Variants in PCDHA3 observed in about 807,000 individuals in gnomAD.
The protein encoded by PCDHA3 is protocadherin alpha-3.
Under a neutral mutation model 62.2 loss-of-function variants are expected in PCDHA3, and 41 were observed. That is an observed-to-expected ratio of 0.66 (90% CI 0.51 to 0.86). PCDHA3 has a LOEUF of 0.86. PCDHA3 is among the 40% of genes least tolerant of loss of function. The pLI, the probability that PCDHA3 is intolerant of heterozygous loss-of-function variation, is 0.00. For missense variants in PCDHA3, 1,304 were observed against 1,241.2 expected, an observed-to-expected ratio of 1.05 and a Z score of -0.76; for synonymous variants, 640 against 555.4, an observed-to-expected ratio of 1.15 and a Z score of -2.14.
intron 1 of PCDHA3, among the ~76,000 whole-genome samples, chr5:140,938,203 C>T (rs1181415730): frequency 6.6e-6 from 1 of 152,146 alleles, no homozygotes; most frequent in Non-Finnish European, 1.5e-5. Flanking sequence ...ACGCCAGCCT[C>T]CCAAAGTGCT....
chr5:140,892,941 A>G (rs1554185454), intron 1 of PCDHA3, among the ~76,000 whole-genome samples: 1 of 152,178 alleles, frequency 6.6e-6, no homozygotes, highest in African/African-American at 2.4e-5. Context: ...GATAAGCACA[A>G]TACTACTTCC....
At chr5:140,877,710 G>T in intron 1 of PCDHA3, 1 of 1,614,098 alleles carries the variant, frequency 6.2e-7, no homozygotes, top group Non-Finnish European at 8.5e-7. Context: ...GCGCCGTGGG[G>T]AGTTGGTCTT....
intron 1 of PCDHA3, chr5:140,855,963 AT>A: frequency 7.1e-7 from 1 of 1,404,396 alleles, no homozygotes; most frequent in Non-Finnish European, 9.7e-7. Context: ...TAAAAAATAG[AT>A]ATAAGAAATA....
chr5:141,009,482 C>A, intron 3 of PCDHA3, 145 bp from the exon 4 acceptor site: 1 of 1,446,086 alleles, frequency 6.9e-7, no homozygotes, highest in Non-Finnish European at 9.1e-7. Flanking sequence ...TAAACACTTG[C>A]CTTGCCCTCA....
intron 1 of PCDHA3, chr5:140,967,145 A>C: frequency 1.2e-6 from 2 of 1,610,892 alleles, no homozygotes; most frequent in Non-Finnish European, 8.5e-7. Context: ...GCTGGCGCAC[A>C]ACCCCGTGGC....
In PCDHA3 at chr5:140,978,986, C is replaced by T. The variant is rs138901709; in HGVS notation, c.2432C>T (p.Ser811Phe). The change falls in exon 2 of 4, where the codon TCC (serine) becomes TTC (phenylalanine). Residue 811 changes from serine (S) to phenylalanine (F), a missense_variant. Physicochemically the swap from Ser to Phe is radical, Grantham distance 155. Transcript: ENST00000522353. ...AACCCTGACTGGCGTTACTCTGCCT[C>T]CCTGAGAGCAGGCATGCACAGGTAT... Reference protein sequence around the residue: ...QPNPDWRYSASLRAGMHSSVH... With the variant: ...QPNPDWRYSAFLRAGMHSSVH... 56 of 1,614,072 alleles carry T rather than the reference C, an allele frequency of 3.5e-5. No individual in the cohort carries two copies. The highest frequency in any genetic ancestry group is 4.5e-5 in the Non-Finnish European group (53 of 1,180,028).
At position 140,971,319 on chromosome 5, in the gene PCDHA3, A is replaced by C. The variant is rs568701560; in HGVS notation, c.2395-7630A>C. ...TGGTACACAAACATTTAATCTAGGG[A>C]GAAAATTATTTCAGAAAGTGCTTGC... is the stretch of plus-strand genomic sequence containing the variant. On this transcript the variant is annotated intron_variant, in intron 1 of 3. Transcript: ENST00000522353. Among the ~76,000 whole-genome samples the C allele has an allele frequency of 2.1e-4, 32 of 152,346 alleles. 1 individual carries two copies. Among genetic ancestry groups the C allele is most frequent in the Admixed American group, 2.0e-3 (31 of 15,306 alleles).
chr5:140,850,638 C>T (rs2150491842), intron 1 of PCDHA3: 3 of 1,598,668 alleles, frequency 1.9e-6, no homozygotes, highest in Non-Finnish European at 2.6e-6. Context: ...GGTTCTCACG[C>T]TGCTGCTGTA....
At chr5:140,880,045 G>A (rs1345443297) in intron 1 of PCDHA3, among the ~76,000 whole-genome samples, 2 of 152,164 alleles carry the variant, frequency 1.3e-5, no homozygotes, top group Admixed American at 6.5e-5. Flanking sequence ...GGATTAAGAT[G>A]TGGGCATAAC....
chr5:140,808,183 C>A (rs782261316), intron 1 of PCDHA3: 1 of 1,614,172 alleles, frequency 6.2e-7, no homozygotes, highest in Non-Finnish European at 8.5e-7. Context: ...CACTTTCTGG[C>A]CATTGTAGAG....
In PCDHA3 at chr5:140,857,546, G is replaced by A. The variant is rs1554150192; in HGVS notation, c.2394+53955G>A. 8 of 1,596,870 alleles carry A rather than the reference G, an allele frequency of 5.0e-6. 2 individuals carry two copies. In the Admixed American group the frequency reaches 8.4e-5, roughly 17 times the overall value. On this transcript the variant is annotated intron_variant, in intron 1 of 3. Coordinates refer to ENST00000522353, the MANE Select transcript of PCDHA3 (RefSeq NM_018906.3). ...CTCTCTGGTGGAGCGGCGGTTGGGC[G>A]AGCGCTCGCTGTCGAGCTACGTGTC...
chr5:140,852,702 A>G, intron 1 of PCDHA3: 1 of 977,718 alleles, frequency 1.0e-6, no homozygotes, highest in Non-Finnish European at 1.2e-6. Context: ...ACTTTCAAGT[A>G]TCTTTGTCTT....
In PCDHA3 at chr5:140,863,367, G is replaced by A. The variant is rs782714685; in HGVS notation, c.2394+59776G>A. The A allele has an allele frequency of 1.5e-5, 18 of 1,191,312 alleles. No homozygotes were observed. The East Asian group carries it at 5.3e-4, about 35-fold the overall frequency. The allele number at this position is 1,191,312 out of a possible 1,614,324, so 73.8% of individuals were successfully genotyped here. A position where few individuals can be genotyped will look rare whatever the true frequency, so the allele number is the denominator to read the frequency against. ...TGTACACGACGCTGCGGTGCTTGGC[G>A]CAGCTCACCGAGAGCTCGTGCATGC... is the stretch of plus-strand genomic sequence containing the variant. On this transcript the variant is annotated intron_variant, in intron 1 of 3. Transcript: ENST00000522353.
At chr5:140,909,186 A>G (rs552786721) in intron 1 of PCDHA3, among the ~76,000 whole-genome samples, 1 of 152,336 alleles carries the variant, frequency 6.6e-6, no homozygotes, top group Admixed American at 6.5e-5. Context: ...TCCAAACAAG[A>G]TTATGACACA....
At chr5:140,980,910 T>G (rs1554242463) in intron 2 of PCDHA3, among the ~76,000 whole-genome samples, 1 of 152,206 alleles carries the variant, frequency 6.6e-6, no homozygotes, top group East Asian at 1.9e-4. Context: ...ATGTAACTAT[T>G]CTTTAAAAAA....
Position 140,850,525 on chromosome 5 carries a change from A to G in PCDHA3, c.2394+46934A>G, listed in dbSNP as rs2041657187. Reference sequence around the variant, plus strand: ...CTGGTGGAGAGCGGCCAGGCGCCAAAGTCATCGTCGCGGGCGTCAGTGGGT... The same window carrying G: ...CTGGTGGAGAGCGGCCAGGCGCCAAGGTCATCGTCGCGGGCGTCAGTGGGT... On this transcript the variant is annotated intron_variant, in intron 1 of 3. Transcript: ENST00000522353. 5.6e-6 allele frequency: 9 copies of G among 1,598,066 alleles called. 2 individuals are homozygous for G. Among genetic ancestry groups the G allele is most frequent in the African/African-American group, 1.3e-5 (1 of 74,316 alleles).
intron 1 of PCDHA3, chr5:140,883,561 C>T: frequency 1.2e-6 from 2 of 1,614,156 alleles, no homozygotes; most frequent in Non-Finnish European, 1.7e-6. Flanking sequence ...GGGACGGGGG[C>T]TCGCCTTCGC....
chr5:140,802,490 C>A lies in PCDHA3; in HGVS notation c.1293C>A (p.Gly431=). The A allele has an allele frequency of 6.2e-7, 1 of 1,614,190 alleles. No homozygotes were observed. The highest frequency in any genetic ancestry group is 8.5e-7 in the Non-Finnish European group (1 of 1,180,036). ...YELVVTARDG[G]SPSLWATASV... is the part of the protein sequence containing the mutation. ...TGGTGGTGACTGCTCGGGACGGGGG[C>A]TCGCCTTCACTGTGGGCCACGGCCA... is the stretch of plus-strand genomic sequence containing the variant. Residue 431 remains glycine (G), a synonymous_variant, in exon 1 of 4, where the codon GGC becomes GGA. Transcript: ENST00000522353.
At chr5:140,889,263 GTA>G (rs1262739748) in intron 1 of PCDHA3, among the ~76,000 whole-genome samples, 1 of 151,748 alleles carries the variant, frequency 6.6e-6, no homozygotes, top group Admixed American at 6.6e-5. Flanking sequence ...GTAAAAGTTT[GTA>G]TAATCTTTGA....
Sources: allele counts gnomAD v4.1 joint callset (sites outside exome capture counted in the v4.1 genomes callset), GRCh38; gene constraint gnomAD v4.1.1; transcripts MANE v1.5; gene names NCBI Gene and HGNC (gene_info 2026-07-23, HGNC 2026-07-21).